Variants in ADGRG2 observed in about 807,000 individuals in gnomAD.
The protein encoded by ADGRG2 is G protein-coupled receptor 64.
Under a neutral mutation model 74.1 loss-of-function variants are expected in ADGRG2, and 26 were observed. That is an observed-to-expected ratio of 0.35 (90% CI 0.26 to 0.49). ADGRG2 has a LOEUF of 0.49. Among genes scored for constraint, ADGRG2 ranks in the 20% least tolerant of loss-of-function variants. ADGRG2 has a pLI of 0.99. For synonymous variants in ADGRG2, 296 were observed against 295.2 expected, an observed-to-expected ratio of 1.00 and a Z score of -0.03; for missense variants, 619 against 763.1, an observed-to-expected ratio of 0.81 and a Z score of 2.22.
At chrX:19,116,739 G>A (rs751682647) in intron 1 of ADGRG2, among the ~76,000 whole-genome samples, 2 of 110,885 alleles carry the variant, frequency 1.8e-5, no homozygotes, top group Non-Finnish European at 3.8e-5. Flanking sequence ...AAAATGAATC[G>A]GTTCTGGACA....
At position 19,007,271 on chromosome X, in the gene ADGRG2, G is replaced by T. The variant is rs149372578; in HGVS notation, c.1653C>A (p.Asn551Lys). ...TGATGTGCTTTAATGTGACTGTCACGTTTCTTGTCAAGTTCCTGACGGTCA... is the reference window on the plus strand; with the variant it reads ...TGATGTGCTTTAATGTGACTGTCACTTTTCTTGTCAAGTTCCTGACGGTCA... ...ANLTVRNLTRNVTVTLKHINP... is the reference protein window; with the variant it reads ...ANLTVRNLTRKVTVTLKHINP... Residue 551 changes from asparagine to lysine, a missense_variant, in exon 20 of 29, where the codon AAC (asparagine) becomes AAA (lysine). Around this residue, in one of 3 missense-constraint regions of ADGRG2, gnomAD observed 221 missense variants for 340.6 expected, o/e 0.65. Transcript: ENST00000379869. 1 of 1,210,254 alleles carries T rather than the reference G, an allele frequency of 8.3e-7. No individual in the cohort carries two copies. Among genetic ancestry groups the T allele is most frequent in the Non-Finnish European group, 1.1e-6 (1 of 894,160 alleles).
Position 19,029,077 on chromosome X carries a change from A to G in ADGRG2, c.359-839T>C, listed in dbSNP as rs780558492. 2.7e-5 allele frequency among the ~76,000 whole-genome samples: 3 copies of G among 111,813 alleles called. No individual in the cohort carries two copies. The South Asian group carries it at 1.1e-3, about 42-fold the overall frequency. On this transcript the variant is annotated intron_variant, in intron 9 of 28. Transcript: ENST00000379869. ...CTGAGCTAGAAGGCCTCCTCTTCTC[A>G]TCATCTTTTATTGTACCCCAAAGTA... is the stretch of plus-strand genomic sequence containing the variant.
chrX:19,006,753 A>ATTTT (rs35276629), intron 20 of ADGRG2, among the ~76,000 whole-genome samples: 6 of 81,835 alleles, frequency 7.3e-5, no homozygotes, highest in African/African-American at 1.1e-4. Context: ...TAGGTGGTCA[A>ATTTT]TTTTTTTTTT....
At chrX:19,023,981 A>T in intron 11 of ADGRG2, 33 bp from the exon 12 acceptor site, 1 of 1,036,523 alleles carries the variant, frequency 9.6e-7, no homozygotes, top group South Asian at 1.9e-5. Flanking sequence ...GACATTAAGG[A>T]GACCATTAGT....
At chrX:18,992,910 G>C (rs2148077516) in intron 28 of ADGRG2, among the ~76,000 whole-genome samples, 1 of 112,008 alleles carries the variant, frequency 8.9e-6, no homozygotes, top group South Asian at 3.7e-4. Flanking sequence ...GGACAAATCT[G>C]GTTTATGGAT....
At chrX:19,047,222 G>T (rs1465558261) in intron 3 of ADGRG2, among the ~76,000 whole-genome samples, 2 of 111,696 alleles carry the variant, frequency 1.8e-5, no homozygotes, top group African/African-American at 3.3e-5. Flanking sequence ...GTCAGCCATT[G>T]TGAGCCCCCA....
chrX:19,024,066 T>G, intron 11 of ADGRG2, 118 bp from the exon 12 acceptor site: 1 of 513,234 alleles, frequency 1.9e-6, no homozygotes, highest in East Asian at 3.6e-5. Context: ...TGGTGTTCAC[T>G]TTGAAGAAAT....
At chrX:19,105,907 G>A (rs1182527246) in intron 1 of ADGRG2, among the ~76,000 whole-genome samples, 4 of 76,520 alleles carry the variant, frequency 5.2e-5, no homozygotes, top group Non-Finnish European at 9.1e-5. Flanking sequence ...CAGTCTAAGC[G>A]ACAGAGCGAG....
Position 19,023,400 on chromosome X carries a change from AT to A in ADGRG2, c.548+15del. 1 of 1,044,314 alleles carries A rather than the reference AT, an allele frequency of 9.6e-7. No individual in the cohort carries two copies. The highest frequency in any genetic ancestry group is 1.3e-6 in the Non-Finnish European group (1 of 763,849). 86.1% of individuals were successfully genotyped at this position (1,044,314 alleles called of 1,213,427 possible). On this transcript the variant is annotated intron_variant, in intron 13 of 28. Coordinates refer to ENST00000379869, the MANE Select transcript of ADGRG2 (RefSeq NM_001079858.3). ...ATGGAGAAATTATATTTATGAAAGT[AT>A]TAAAAATGACTGACCTTTGGGCCTC...
intron 3 of ADGRG2, among the ~76,000 whole-genome samples, chrX:19,054,889 G>A (rs1188689212): frequency 9.0e-6 from 1 of 111,307 alleles, no homozygotes; most frequent in Non-Finnish European, 1.9e-5. Flanking sequence ...GGGAGGTGCG[G>A]GGCCTGTAAC....
intron 3 of ADGRG2, among the ~76,000 whole-genome samples, chrX:19,060,847 C>T (rs972231405): frequency 2.7e-5 from 3 of 111,490 alleles, no homozygotes; most frequent in East Asian, 2.8e-4. Flanking sequence ...CACACCCGGC[C>T]GAGGCAGGTG....
chrX:19,077,099 G>A (rs1409287679), intron 2 of ADGRG2, among the ~76,000 whole-genome samples: 5 of 110,975 alleles, frequency 4.5e-5, no homozygotes, highest in Middle Eastern at 4.7e-3. Flanking sequence ...ACTAGTGGAG[G>A]AGGAAAACAG....
intron 1 of ADGRG2, among the ~76,000 whole-genome samples, chrX:19,112,747 C>G (rs1486902552): frequency 9.3e-6 from 1 of 108,027 alleles, no homozygotes; most frequent in Non-Finnish European, 1.9e-5. Context: ...ATCACGAGGT[C>G]AAGAGATCGA....
At chrX:19,099,612 G>C (rs1190024862) in intron 1 of ADGRG2, among the ~76,000 whole-genome samples, 1 of 112,310 alleles carries the variant, frequency 8.9e-6, no homozygotes, top group East Asian at 2.8e-4. Flanking sequence ...CTGAGCTTCT[G>C]AGCCCACATT....
intron 2 of ADGRG2, among the ~76,000 whole-genome samples, chrX:19,082,296 G>A (rs1443121979): frequency 1.8e-5 from 2 of 110,397 alleles, no homozygotes; most frequent in African/African-American, 6.6e-5. Context: ...CATGACAAAA[G>A]CTGTTAGAGC....
chrX:19,121,786 G>A (rs1023051978), intron 1 of ADGRG2, among the ~76,000 whole-genome samples: 1 of 111,375 alleles, frequency 9.0e-6, no homozygotes, highest in African/African-American at 3.3e-5. Flanking sequence ...TGGCTCTCGG[G>A]AGGTCAGCTC....
chrX:19,028,143 G>T (rs41304719), intron 10 of ADGRG2, 40 bp downstream of exon 10: 11,513 of 680,715 alleles, frequency 0.017, 81 homozygotes, highest in Non-Finnish European at 0.021. Context: ...AAATGAATTT[G>T]CCTTTTAAGA....
At chrX:19,118,855 T>G (rs1281571585) in intron 1 of ADGRG2, among the ~76,000 whole-genome samples, 1 of 112,533 alleles carries the variant, frequency 8.9e-6, no homozygotes, top group Non-Finnish European at 1.9e-5. Context: ...GGGATACTGC[T>G]CAGCAACAGT....
chrX:19,013,668 T>C lies in ADGRG2; in HGVS notation c.1099+18A>G. On this transcript the variant is annotated intron_variant, in intron 16 of 28. Transcript: ENST00000379869. ...ATGTCTTGATTGGCAGATTGGCCGC[T>C]GTTCAAGTGACATTTACCTGTCTGG... 8.7e-7 allele frequency: 1 copy of C among 1,152,379 alleles called. No homozygotes were observed. 95.0% of individuals were successfully genotyped at this position (1,152,379 alleles called of 1,213,427 possible).
Sources: gnomAD v4.1 joint callset for allele counts (sites outside exome capture counted in the v4.1 genomes callset) on GRCh38, gnomAD v4.1.1 for gene constraint, gnomAD v4.1.1 regional missense constraint, MANE v1.5 for transcripts, NCBI Gene and HGNC (gene_info 2026-07-23, HGNC 2026-07-21) for gene names.